Variants in ULK2 observed in about 807,000 individuals in gnomAD.
The protein encoded by ULK2 is unc-51 like autophagy activating kinase 2.
ULK2 carries 76 observed loss-of-function variants against 127.5 expected under a neutral mutation model. The ratio of observed to expected loss-of-function variants is 0.60; its 90% CI spans 0.50 to 0.72. ULK2 has a LOEUF of 0.72. Among genes scored for constraint, ULK2 ranks in the 30% least tolerant of loss-of-function variants. The probability of loss-of-function intolerance (pLI) is 0.00; values close to 1 mark genes in which losing one functional copy is unlikely to be tolerated. For missense variants in ULK2, 1,144 were observed against 1,295.9 expected (o/e 0.88, Z 1.80); for synonymous variants, 452 against 461.9 (o/e 0.98, Z 0.28).
intron 8 of ULK2, among the ~76,000 whole-genome samples, chr17:19,842,613 G>T (rs962284355): frequency 6.6e-6 from 1 of 152,100 alleles, no homozygotes; most frequent in African/African-American, 2.4e-5. Flanking sequence ...GAACTCAAGA[G>T]AAATCATCGT....
chr17:19,833,127 GAAAAAAA>G (rs71157837), intron 10 of ULK2, among the ~76,000 whole-genome samples: 195 of 115,476 alleles, frequency 1.7e-3, no homozygotes, highest in South Asian at 0.015. Context: ...TGTCTCAAAG[GAAAAAAA>G]AAAAAAAAAA....
chr17:19,794,087 T>TTTGC lies in ULK2; in HGVS notation c.2101+1534_2101+1535insGCAA, dbSNP rs547366791. The stretch of plus-strand genomic sequence containing the variant: ...GAAACAAAGAATGCCTTTGATGGAC[T>TTTGC]CATCAGTAGACTGGACTTTGCCAAG... On this transcript the variant is annotated intron_variant, in intron 20 of 26. Transcript: ENST00000395544. Among the ~76,000 whole-genome samples, 11 of 152,284 alleles carry TTTGC rather than the reference T, an allele frequency of 7.2e-5. No individual in the cohort carries two copies. The South Asian group carries it at 2.3e-3, about 32-fold the overall frequency.
chr17:19,824,906 G>A (rs1164501882), intron 12 of ULK2, among the ~76,000 whole-genome samples, 188 bp downstream of exon 12: 1 of 152,146 alleles, frequency 6.6e-6, no homozygotes, highest in African/African-American at 2.4e-5. Context: ...AGCTTACACA[G>A]TAACATATGG....
intron 10 of ULK2, among the ~76,000 whole-genome samples, chr17:19,828,160 A>C (rs73295842): frequency 0.012 from 1,818 of 152,330 alleles, 31 homozygotes; most frequent in African/African-American, 0.041. Flanking sequence ...TACATTCCAC[A>C]AAACTGTCCT....
rs1417659962 is a variant in ULK2 at position 19,867,490 on chromosome 17, G to C, written c.-73C>G. On this transcript the variant is annotated 5_prime_UTR_variant, in exon 1 of 27. Transcript: ENST00000395544. Reference sequence around the variant, plus strand: ...GCGCAGGTATCAGCACCGCGGCTCCGCGGGCCCGGAGCGCGCCAGCGTGCG... The same window carrying C: ...GCGCAGGTATCAGCACCGCGGCTCCCCGGGCCCGGAGCGCGCCAGCGTGCG... The C allele has an allele frequency of 6.4e-6, 8 of 1,259,328 alleles. No homozygotes were observed. The highest frequency in any genetic ancestry group is 8.4e-6 in the Non-Finnish European group (8 of 949,132). 78.0% of individuals were successfully genotyped at this position (1,259,328 alleles called of 1,614,324 possible).
At chr17:19,835,409 T>C (rs1208611912) in intron 10 of ULK2, among the ~76,000 whole-genome samples, 1 of 150,860 alleles carries the variant, frequency 6.6e-6, no homozygotes, top group Admixed American at 6.6e-5. Flanking sequence ...AAGTAGACTG[T>C]GATAAATTAA....
intron 25 of ULK2, among the ~76,000 whole-genome samples, chr17:19,778,386 G>A (rs2086851865): frequency 6.6e-6 from 1 of 152,306 alleles, no homozygotes; most frequent in South Asian, 2.1e-4. Context: ...GAAGCTTCCA[G>A]GAGGTGCTGT....
rs745483679 is a variant in ULK2 at position 19,776,377 on chromosome 17, G to A, written c.3083C>T (p.Ala1028Val). Reference protein sequence around the residue: ...YKCSIERRLSALCHSTATV With the variant: ...YKCSIERRLSVLCHSTATV ...CACGGTTGCGGTGCTATGGCAGAGC[G>A]CCGACAGTCTTCTCTCAATACTACA... is the stretch of plus-strand genomic sequence containing the variant. The change falls in exon 27 of 27, where the codon GCG (alanine) becomes GTG (valine). Residue 1028 changes from alanine to valine, a missense_variant. Around this residue, in one of 2 missense-constraint regions of ULK2, gnomAD observed 913 missense variants for 970.5 expected, o/e 0.94. Coordinates refer to ENST00000395544, the MANE Select transcript of ULK2 (RefSeq NM_014683.4). 7.3e-5 allele frequency: 117 copies of A among 1,604,930 alleles called. No homozygotes were observed. Among genetic ancestry groups the A allele is most frequent in the Non-Finnish European group, 8.9e-5 (105 of 1,176,040 alleles).
intron 18 of ULK2, 94 bp from the exon 19 acceptor site, chr17:19,796,376 G>C (rs1441766141): frequency 9.7e-6 from 11 of 1,135,114 alleles, no homozygotes; most frequent in Non-Finnish European, 1.2e-5. Context: ...CAGTAGTCAG[G>C]AGCATGTAGG....
chr17:19,799,593 AAAAAG>A lies in ULK2; in HGVS notation c.1442-23_1442-19del. The A allele has an allele frequency of 6.6e-7, 1 of 1,523,374 alleles. No homozygotes were observed. The highest frequency in any genetic ancestry group is 1.4e-5 in the African/African-American group (1 of 71,214). The allele number at this position is 1,523,374 out of a possible 1,614,324, so 94.4% of individuals were successfully genotyped here. A position where few individuals can be genotyped will look rare whatever the true frequency, so the allele number is the denominator to read the frequency against. On this transcript the variant is annotated intron_variant, in intron 16 of 26. Coordinates refer to ENST00000395544, the MANE Select transcript of ULK2 (RefSeq NM_014683.4). Reference sequence around the variant, plus strand: ...GGTACCAACTACAAAAAAAAAAAAAAAAAAGATGGGGAAAGGAAGAAAAATGATCA... The same window carrying A: ...GGTACCAACTACAAAAAAAAAAAAAAATGGGGAAAGGAAGAAAAATGATCA...
At position 19,772,668 on chromosome 17, in the gene ULK2, T is replaced by C. The variant is rs1467458528; in HGVS notation, c.*3681A>G. The C allele has an allele frequency of 6.6e-6, 1 of 152,226 alleles. No individual in the cohort carries two copies. Among genetic ancestry groups the C allele is most frequent in the Non-Finnish European group, 1.5e-5 (1 of 68,040 alleles). The allele number at this position is 152,226 out of a possible 1,614,324, so 9.4% of individuals were successfully genotyped here. On this transcript the variant is annotated 3_prime_UTR_variant, in exon 27 of 27. Coordinates refer to ENST00000395544, the MANE Select transcript of ULK2 (RefSeq NM_014683.4). ...AAGTGTGAAGTCCTCCTCCAAAACATGTGCTAACCACTAATATCAACATTA... is the reference window on the plus strand; with the variant it reads ...AAGTGTGAAGTCCTCCTCCAAAACACGTGCTAACCACTAATATCAACATTA...
rs371177314 is a variant in ULK2, at chr17:19,783,783, A to T, written c.2374T>A (p.Tyr792Asn). The T allele has an allele frequency of 6.2e-7, 1 of 1,604,116 alleles. No homozygotes were observed. Among genetic ancestry groups the T allele is most frequent in the Non-Finnish European group, 8.5e-7 (1 of 1,175,172 alleles). ...GGGGGTGAAGCACCGTAAGGCACGT[A>T]TCTCAGGCTGGGAGCTGCCTCTGCT... ...PGAEAAPSLR[Y>N]VPYGASPPSL... The change falls in exon 22 of 27, where the codon TAC becomes AAC. Residue 792 changes from tyrosine (Y) to asparagine (N), a missense_variant. By Grantham distance (143) the Tyr-to-Asn change is moderately radical (BLOSUM62 -2). Transcript: ENST00000395544.
intron 25 of ULK2, among the ~76,000 whole-genome samples, chr17:19,779,596 TA>T (rs1346066243): frequency 2.0e-5 from 3 of 149,988 alleles, no homozygotes; most frequent in African/African-American, 7.4e-5. Flanking sequence ...TTCCCCCACT[TA>T]ACTACTTTTT....
intron 10 of ULK2, among the ~76,000 whole-genome samples, chr17:19,832,814 C>G (rs1263914743): frequency 6.6e-6 from 1 of 152,108 alleles, no homozygotes; most frequent in Non-Finnish European, 1.5e-5. Flanking sequence ...TTCGTCCACG[C>G]AAGTTACTAA....
chr17:19,804,322 G>T (rs1011922017), intron 15 of ULK2, among the ~76,000 whole-genome samples: 14 of 152,074 alleles, frequency 9.2e-5, no homozygotes, highest in Admixed American at 6.6e-5. Flanking sequence ...TCTTAGTAAG[G>T]TCTCAGGATG....
chr17:19,771,615 G>C lies in ULK2; in HGVS notation c.*4734C>G, dbSNP rs1033635197. Reference sequence around the variant, plus strand: ...ATTGCTGAGCCCTTCCACGTGCCAGGGGCTGGGCAAAGAATTTCATATTCA... The same window carrying C: ...ATTGCTGAGCCCTTCCACGTGCCAGCGGCTGGGCAAAGAATTTCATATTCA... On this transcript the variant is annotated 3_prime_UTR_variant, in exon 27 of 27. Transcript: ENST00000395544. 7.9e-5 allele frequency: 12 copies of C among 152,192 alleles called. No homozygotes were observed. The highest frequency in any genetic ancestry group is 2.4e-4 in the African/African-American group (10 of 41,424). 9.4% of individuals were successfully genotyped at this position (152,192 alleles called of 1,614,324 possible).
chr17:19,836,733 T>C (rs1267879028), intron 10 of ULK2, among the ~76,000 whole-genome samples: 3 of 151,038 alleles, frequency 2.0e-5, no homozygotes, highest in African/African-American at 7.3e-5. Flanking sequence ...GGTGAAACCC[T>C]GTCTCTACTA....
rs115358815 is a variant in ULK2, at chr17:19,821,575, T to C, written c.924+3519A>G. ...TCCTAGAAAGAAGGGGAAGCATGTA[T>C]GAAATCATCTTATTTTTGGCAGATG... On this transcript the variant is annotated intron_variant, in intron 12 of 26. Coordinates refer to ENST00000395544, the MANE Select transcript of ULK2 (RefSeq NM_014683.4). Among the ~76,000 whole-genome samples the C allele has an allele frequency of 6.9e-3, 1,058 of 152,312 alleles. 16 individuals are homozygous for C. Among genetic ancestry groups the C allele is most frequent in the African/African-American group, 0.023 (955 of 41,570 alleles).
At chr17:19,782,133 C>T in intron 22 of ULK2, 66 bp from the exon 23 acceptor site, 2 of 1,470,972 alleles carry the variant, frequency 1.4e-6, no homozygotes. Context: ...CATTTCTGTA[C>T]ATAAACCATG....
Sources: gnomAD v4.1 joint callset for allele counts (sites outside exome capture counted in the v4.1 genomes callset) on GRCh38, gnomAD v4.1.1 for gene constraint, gnomAD v4.1.1 regional missense constraint, MANE v1.5 for transcripts, NCBI Gene and HGNC (gene_info 2026-07-23, HGNC 2026-07-21) for gene names.